The following RBM25 variants were observed in gnomAD, a reference collection of about 807,000 sequenced individuals.
The protein encoded by RBM25 is RNA-binding protein 25.
In RBM25, 19 loss-of-function variants were observed where a neutral mutation model predicts 120.7. The observed-to-expected ratio is 0.16, with a 90% CI of 0.11 to 0.23. The LOEUF is 0.23. Among genes scored for constraint, RBM25 ranks in the 10% least tolerant of loss-of-function variants. The pLI, the probability that RBM25 is intolerant of heterozygous loss-of-function variation, is 1.00. For missense variants in RBM25, 605 were observed against 1,041.5 expected, an observed-to-expected ratio of 0.58 and a Z score of 5.77; for synonymous variants, 390 against 326.7, an observed-to-expected ratio of 1.19 and a Z score of -2.09.
intron 10 of RBM25, among the ~76,000 whole-genome samples, chr14:73,105,018 T>C (rs1225001943): frequency 9.3e-6 from 1 of 106,970 alleles, no homozygotes; most frequent in African/African-American, 3.6e-5. Flanking sequence ...AAAGAACATA[T>C]TTCATATATA....
intron 6 of RBM25, among the ~76,000 whole-genome samples, chr14:73,089,848 C>T (rs776200361): frequency 6.6e-6 from 1 of 150,894 alleles, no homozygotes; most frequent in African/African-American, 2.4e-5. Context: ...TGTATTTTCA[C>T]TATGTAAGTG....
chr14:73,114,768 C>CCTATAGT (rs1323091898), intron 18 of RBM25, among the ~76,000 whole-genome samples: 2 of 152,094 alleles, frequency 1.3e-5, no homozygotes, highest in African/African-American at 2.4e-5. Context: ...GTGGCGTGTG[C>CCTATAGT]CTATAGTCCC....
At chr14:73,097,192 T>TTTTTTTTTC (rs1366143099) in intron 7 of RBM25, 92 bp downstream of exon 7, 16 of 428,876 alleles carry the variant, frequency 3.7e-5, no homozygotes, top group African/African-American at 2.3e-4. Context: ...TTCTTTTTTC[T>TTTTTTTTTC]TTTCTTTTTT....
In RBM25 at chr14:73,099,660, C is replaced by T. The variant is rs759197381; in HGVS notation, c.784-7C>T. On this transcript the variant is annotated splice_region_variant and splice_polypyrimidine_tract_variant and intron_variant, in intron 8 of 18. Transcript: ENST00000261973. ...ATTCATTCCCTCCTGTGCCCGTTTTCTTTTAGGAGGATATAAATGCTATAG... is the reference window on the plus strand; with the variant it reads ...ATTCATTCCCTCCTGTGCCCGTTTTTTTTTAGGAGGATATAAATGCTATAG... The T allele has an allele frequency of 6.3e-7, 1 of 1,592,130 alleles. No individual in the cohort carries two copies. The highest frequency in any genetic ancestry group is 8.5e-7 in the Non-Finnish European group (1 of 1,174,778).
chr14:73,092,427 C>A (rs1594917679), intron 6 of RBM25, among the ~76,000 whole-genome samples: 2 of 152,000 alleles, frequency 1.3e-5, no homozygotes, highest in African/African-American at 2.4e-5. Flanking sequence ...ACATTGAAAA[C>A]CCTTTGTGTT....
intron 6 of RBM25, among the ~76,000 whole-genome samples, chr14:73,093,956 T>TTG (rs1795903478): frequency 6.7e-6 from 1 of 148,414 alleles, no homozygotes; most frequent in African/African-American, 2.5e-5. Context: ...TTGTTTTTTT[T>TTG]TTTTTTTTTT....
intron 5 of RBM25, among the ~76,000 whole-genome samples, chr14:73,087,279 C>T (rs1886982139): frequency 1.3e-5 from 2 of 151,972 alleles, no homozygotes; most frequent in South Asian, 4.1e-4. Flanking sequence ...GATACAAATT[C>T]TGTAATTTAA....
intron 1 of RBM25, among the ~76,000 whole-genome samples, chr14:73,066,646 C>CA (rs139152316): frequency 7.4e-5 from 9 of 121,484 alleles, no homozygotes; most frequent in South Asian, 5.2e-4. Context: ...GACTCCATCT[C>CA]AAAAAAAAAA....
intron 4 of RBM25, among the ~76,000 whole-genome samples, chr14:73,080,823 CT>C (rs35197238): frequency 0.17 from 23,532 of 139,714 alleles, 1,637 homozygotes; most frequent in South Asian, 0.25. Context: ...TTCTTTCTTT[CT>C]TTTTTTTTTT....
chr14:73,071,602 A>T (rs765857891), intron 1 of RBM25, 25 bp from the exon 2 acceptor site: 2 of 1,470,354 alleles, frequency 1.4e-6, no homozygotes, highest in Non-Finnish European at 1.9e-6. Context: ...AAATAAAATG[A>T]TTTGTCATGT....
Position 73,115,153 on chromosome 14 carries a change from CGTGTGTGTGTGT to C in RBM25, c.2439+845_2439+856del, listed in dbSNP as rs33924709. On this transcript the variant is annotated intron_variant, in intron 18 of 18. Coordinates refer to ENST00000261973, the MANE Select transcript of RBM25 (RefSeq NM_021239.3). ...ACAAGGATTACTACAGGAACTGATA[CGTGTGTGTGTGT>C]GTGTGTGTGTGTGTGTGTGTGTGTT... Among the ~76,000 whole-genome samples, 435 of 146,792 alleles carry C rather than the reference CGTGTGTGTGTGT, an allele frequency of 3.0e-3. 3 individuals are homozygous for C. Among genetic ancestry groups the C allele is most frequent in the African/African-American group, 9.1e-3 (362 of 39,928 alleles).
intron 4 of RBM25, among the ~76,000 whole-genome samples, chr14:73,082,914 AAAAAAAC>A (rs1895597290): frequency 1.3e-5 from 2 of 151,514 alleles, no homozygotes; most frequent in Admixed American, 1.3e-4. Flanking sequence ...AAATAAAAAA[AAAAAAAC>A]AAAAAACAAT....
chr14:73,120,042 T>A lies in RBM25; in HGVS notation c.*237T>A. On this transcript the variant is annotated 3_prime_UTR_variant, in exon 19 of 19. Coordinates refer to ENST00000261973, the MANE Select transcript of RBM25 (RefSeq NM_021239.3). The stretch of plus-strand genomic sequence containing the variant: ...AGGTACAAATTACTGGTATGTTTTA[T>A]AAGCCGCAGCTACTGTACACAGCCT... The A allele has an allele frequency of 2.3e-6, 1 of 441,294 alleles. No homozygotes were observed. Among genetic ancestry groups the A allele is most frequent in the Middle Eastern group, 6.9e-4 (1 of 1,442 alleles). 27.3% of individuals were successfully genotyped at this position (441,294 alleles called of 1,614,324 possible).
At chr14:73,066,638 C>A (rs1261399456) in intron 1 of RBM25, among the ~76,000 whole-genome samples, 1 of 73,358 alleles carries the variant, frequency 1.4e-5, no homozygotes, top group African/African-American at 5.0e-5. Flanking sequence ...CAGAGCAAGA[C>A]TCCATCTCAA....
At chr14:73,062,493 T>G (rs1276946842) in intron 1 of RBM25, among the ~76,000 whole-genome samples, 1 of 151,446 alleles carries the variant, frequency 6.6e-6, no homozygotes, top group Non-Finnish European at 1.5e-5. Flanking sequence ...GAGAAATAAT[T>G]TTGTTTCTAT....
At chr14:73,075,183 C>A (rs1555343709) in intron 2 of RBM25, among the ~76,000 whole-genome samples, 2 of 151,604 alleles carry the variant, frequency 1.3e-5, no homozygotes, top group Non-Finnish European at 2.9e-5. Flanking sequence ...TTTTTTGGTA[C>A]AGAGTCTTGC....
At chr14:73,087,691 G>A (rs1036148540) in intron 5 of RBM25, among the ~76,000 whole-genome samples, 3 of 152,130 alleles carry the variant, frequency 2.0e-5, no homozygotes, top group Admixed American at 6.5e-5. Flanking sequence ...CACCGCGCCC[G>A]GCCAATTGAC....
At position 73,099,452 on chromosome 14, in the gene RBM25, C is replaced by T; in HGVS notation, c.783+19C>T. The T allele has an allele frequency of 6.2e-7, 1 of 1,606,424 alleles. No homozygotes were observed. ...CACTAAGGTTAGTTTAAATTGTAGG[C>T]TTTGACAATACCTGTGTTTACTGCT... On this transcript the variant is annotated intron_variant, in intron 8 of 18. Coordinates refer to ENST00000261973, the MANE Select transcript of RBM25 (RefSeq NM_021239.3).
At position 73,097,205 on chromosome 14, in the gene RBM25, T is replaced by C. The variant is rs1424497693; in HGVS notation, c.729+105T>C. ...TTTTCTTTTTTCTTTTCTTTTTTTTTTTTTTTTTTTTTTGAGATGGAGGCT... is the reference window on the plus strand; with the variant it reads ...TTTTCTTTTTTCTTTTCTTTTTTTTCTTTTTTTTTTTTTGAGATGGAGGCT... On this transcript the variant is annotated intron_variant, in intron 7 of 18. Transcript: ENST00000261973. The C allele has an allele frequency of 3.6e-3, 2,682 of 751,190 alleles. 116 individuals are homozygous for C. Among genetic ancestry groups the C allele is most frequent in the South Asian group, 8.5e-3 (209 of 24,580 alleles). The allele number at this position is 751,190 out of a possible 1,614,324, so 46.5% of individuals were successfully genotyped here.
Sources: gnomAD v4.1 joint callset for allele counts (sites outside exome capture counted in the v4.1 genomes callset) on GRCh38, gnomAD v4.1.1 for gene constraint, MANE v1.5 for transcripts, NCBI Gene and HGNC (gene_info 2026-07-23, HGNC 2026-07-21) for gene names.